ZHX2: variants seen among roughly 807,000 people sequenced by gnomAD.
The protein encoded by ZHX2 is zinc fingers and homeoboxes 2.
In ZHX2, 6 loss-of-function variants were observed where a neutral mutation model predicts 21.9. That is an observed-to-expected ratio of 0.27 (90% CI 0.15 to 0.54). The LOEUF (loss-of-function observed/expected upper bound fraction) is 0.54. Ranked by LOEUF, ZHX2 falls within the 20% of genes least tolerant of loss-of-function variation. The pLI is 0.95. For synonymous variants in ZHX2, 434 were observed against 437.1 expected (o/e 0.99, Z 0.09); for missense variants, 908 against 1,090.7 (o/e 0.83, Z 2.36).
chr8:122,887,180 A>G (rs1586361488), intron 2 of ZHX2, among the ~76,000 whole-genome samples: 1 of 151,878 alleles, frequency 6.6e-6, no homozygotes, highest in African/African-American at 2.4e-5. Flanking sequence ...TGTGTGACAC[A>G]GATGGAGATG....
chr8:122,929,006 T>A (rs899770526), intron 2 of ZHX2, among the ~76,000 whole-genome samples: 2 of 152,250 alleles, frequency 1.3e-5, no homozygotes, highest in African/African-American at 4.8e-5. Context: ...TATACCAAGT[T>A]GTGTTGTGCA....
chr8:122,825,368 C>A (rs2130652745), intron 1 of ZHX2, among the ~76,000 whole-genome samples: 1 of 152,244 alleles, frequency 6.6e-6, no homozygotes, highest in Middle Eastern at 3.4e-3. Context: ...GGGGCATGGT[C>A]GTTATACTCA....
chr8:122,837,573 G>T (rs1818531453), intron 1 of ZHX2, among the ~76,000 whole-genome samples: 1 of 152,134 alleles, frequency 6.6e-6, no homozygotes. Flanking sequence ...GGTGTAATTC[G>T]GCTAAATTAA....
rs376295881 is a variant in ZHX2, at chr8:122,894,174, C to A, written c.-220+30635C>A. ...CCTTCTGGGGGCAGGGGATGCCAGG[C>A]AGGCTGATGCTTGGGCTGTGGCGGT... On this transcript the variant is annotated intron_variant, in intron 2 of 3. Coordinates refer to ENST00000314393, the MANE Select transcript of ZHX2 (RefSeq NM_014943.5). 1.3e-4 allele frequency among the ~76,000 whole-genome samples: 20 copies of A among 152,344 alleles called. 1 individual carries two copies. Among genetic ancestry groups the A allele is most frequent in the East Asian group, 1.2e-3 (6 of 5,186 alleles).
intron 1 of ZHX2, among the ~76,000 whole-genome samples, chr8:122,820,465 C>T (rs948963034): frequency 1.1e-4 from 16 of 152,226 alleles, no homozygotes; most frequent in African/African-American, 2.7e-4. Flanking sequence ...TAGCACCCGC[C>T]TCCCTCCCCT....
intron 1 of ZHX2, among the ~76,000 whole-genome samples, chr8:122,793,643 T>C (rs935890680): frequency 6.6e-6 from 1 of 152,178 alleles, no homozygotes; most frequent in African/African-American, 2.4e-5. Flanking sequence ...ATAGGAGATT[T>C]GGGAAATCAA....
chr8:122,814,763 A>G (rs1011591625), intron 1 of ZHX2, among the ~76,000 whole-genome samples: 13 of 152,344 alleles, frequency 8.5e-5, no homozygotes, highest in African/African-American at 3.1e-4. Context: ...CTATTGATAA[A>G]TGGAAAGACC....
At chr8:122,941,195 A>G (rs1052344081) in intron 2 of ZHX2, among the ~76,000 whole-genome samples, 5 of 152,136 alleles carry the variant, frequency 3.3e-5, no homozygotes, top group African/African-American at 1.2e-4. Flanking sequence ...GCAGTGAGCT[A>G]TGATCATGCC....
chr8:122,920,455 C>A (rs1419586553), intron 2 of ZHX2, among the ~76,000 whole-genome samples: 1 of 151,976 alleles, frequency 6.6e-6, no homozygotes, highest in South Asian at 2.1e-4. Context: ...TTTTGACACA[C>A]CCATGCTGTT....
Position 122,952,179 on chromosome 8 carries a change from TGAGATCCTCTCGAGACTCGGCGGGGTG to T in ZHX2, c.673_699del (p.Ile225_Glu233del). 6.2e-7 allele frequency: 1 copy of T among 1,612,696 alleles called. No individual in the cohort carries two copies. The highest frequency in any genetic ancestry group is 1.7e-5 in the Admixed American group (1 of 59,810). On this transcript the variant is annotated inframe_deletion, in exon 3 of 4. Transcript: ENST00000314393. This position sits in a 1 kb window ranked among gnomAD's most constrained non-coding sequence, Gnocchi z 6.9. ...CCGCCCGCCTGGTGACAGACACAGC[TGAGATCCTCTCGAGACTCGGCGGGGTG>T]GAGCTCCTCCAAGACACATTAGGAC...
chr8:122,790,774 A>G (rs547393214), intron 1 of ZHX2, among the ~76,000 whole-genome samples: 46 of 152,040 alleles, frequency 3.0e-4, no homozygotes, highest in South Asian at 1.2e-3. Flanking sequence ...TGCCTGGCTA[A>G]TTTTTGTATT....
chr8:122,781,776 T>G lies in ZHX2; in HGVS notation c.-453T>G, dbSNP rs1052554568. On this transcript the variant is annotated 5_prime_UTR_variant, in exon 1 of 4. Coordinates refer to ENST00000314393, the MANE Select transcript of ZHX2 (RefSeq NM_014943.5). The surrounding 1 kb of genome is among the most constrained non-coding windows in gnomAD (Gnocchi z 4.6). ...TCCGTACGGGGGCTTTTTCTGTCTG[T>G]CTGTCTGGCTGGCAGGCTGGCTTTC... The G allele has an allele frequency of 5.3e-5, 8 of 152,226 alleles. No individual in the cohort carries two copies. The highest frequency in any genetic ancestry group is 1.7e-4 in the African/African-American group (7 of 41,370). 9.4% of individuals were successfully genotyped at this position (152,226 alleles called of 1,614,324 possible). A position where few individuals can be genotyped will look rare whatever the true frequency, so the allele number is the denominator to read the frequency against.
At chr8:122,967,941 G>A (rs78476377) in intron 3 of ZHX2, among the ~76,000 whole-genome samples, 4,123 of 152,248 alleles carry the variant, frequency 0.027, 83 homozygotes, top group Non-Finnish European at 0.043. Flanking sequence ...AGGGCAGGTA[G>A]AGACAAACCA....
In ZHX2 at chr8:122,821,994, C is replaced by T. The variant is rs187823435; in HGVS notation, c.-283+40048C>T. Among the ~76,000 whole-genome samples, 170 of 152,162 alleles carry T rather than the reference C, an allele frequency of 1.1e-3. 3 individuals are homozygous for T. Among genetic ancestry groups the T allele is most frequent in the Middle Eastern group, 0.01 (3 of 294 alleles). On this transcript the variant is annotated intron_variant, in intron 1 of 3. Coordinates refer to ENST00000314393, the MANE Select transcript of ZHX2 (RefSeq NM_014943.5). The stretch of plus-strand genomic sequence containing the variant: ...TGCTGGGATTACAGGTATGAGCCAC[C>T]GTGCCCAGCCTAGTGTGACTTTAAA...
chr8:122,888,979 CA>C (rs148647605), intron 2 of ZHX2, among the ~76,000 whole-genome samples: 311 of 152,298 alleles, frequency 2.0e-3, no homozygotes, highest in African/African-American at 5.9e-3. Context: ...CACATATGAA[CA>C]AAAACATGCA....
At chr8:122,921,119 G>T (rs761509420) in intron 2 of ZHX2, among the ~76,000 whole-genome samples, 1 of 151,762 alleles carries the variant, frequency 6.6e-6, no homozygotes, top group Non-Finnish European at 1.5e-5. Context: ...TCACTCTGTC[G>T]CCCAGGCTGG....
At chr8:122,831,864 C>T (rs1462884082) in intron 1 of ZHX2, among the ~76,000 whole-genome samples, 1 of 152,130 alleles carries the variant, frequency 6.6e-6, no homozygotes, top group Non-Finnish European at 1.5e-5. Flanking sequence ...ATCTGTTGTC[C>T]TGCTGCTAGA....
chr8:122,945,915 C>A (rs1812964797), intron 2 of ZHX2, among the ~76,000 whole-genome samples: 1 of 152,186 alleles, frequency 6.6e-6, no homozygotes, highest in Non-Finnish European at 1.5e-5. Flanking sequence ...CTCCCCACTG[C>A]TGGGCCCTGG....
intron 1 of ZHX2, among the ~76,000 whole-genome samples, chr8:122,852,653 A>G (rs572960730): frequency 1.3e-5 from 2 of 152,294 alleles, no homozygotes; most frequent in African/African-American, 4.8e-5. Flanking sequence ...GAAAAAATCC[A>G]TGCTTTTGAG....
Sources: gnomAD v4.1 joint callset for allele counts (sites outside exome capture counted in the v4.1 genomes callset) on GRCh38, gnomAD v4.1.1 for gene constraint, Gnocchi (gnomAD v3.1) non-coding constraint, MANE v1.5 for transcripts, NCBI Gene and HGNC (gene_info 2026-07-23, HGNC 2026-07-21) for gene names.